The following STK24 variants were observed in gnomAD, a reference collection of about 807,000 sequenced individuals.
The protein encoded by STK24 is serine/threonine kinase 24.
A neutral mutation model predicts 55.6 loss-of-function variants in STK24; 21 were observed. That is an observed-to-expected ratio of 0.38 (90% CI 0.27 to 0.54). STK24 has a LOEUF of 0.54. Ranked by LOEUF, STK24 falls within the 20% of genes least tolerant of loss-of-function variation. The pLI, the probability that STK24 is intolerant of heterozygous loss-of-function variation, is 0.79. For missense variants in STK24, 383 were observed against 538.4 expected, an observed-to-expected ratio of 0.71 and a Z score of 2.86; for synonymous variants, 200 against 215.2, an observed-to-expected ratio of 0.93 and a Z score of 0.62.
chr13:98,528,098 G>C (rs1411541387), intron 1 of STK24, among the ~76,000 whole-genome samples: 1 of 152,158 alleles, frequency 6.6e-6, no homozygotes, highest in Non-Finnish European at 1.5e-5. Context: ...TGGGCCACCG[G>C]ACTCTCATTC....
chr13:98,494,563 T>A (rs1385632948), intron 2 of STK24, among the ~76,000 whole-genome samples: 5 of 152,190 alleles, frequency 3.3e-5, no homozygotes, highest in African/African-American at 1.2e-4. Flanking sequence ...AACCCCAAGC[T>A]AAACAGCTTC....
intron 10 of STK24, chr13:98,456,460 C>CA (rs748783687): frequency 2.0e-6 from 1 of 503,428 alleles, no homozygotes; most frequent in South Asian, 1.5e-5. Flanking sequence ...AAATCACCCT[C>CA]AGGTCACACA....
intron 5 of STK24, among the ~76,000 whole-genome samples, chr13:98,474,608 G>C (rs759485271): frequency 3.9e-5 from 6 of 152,066 alleles, no homozygotes; most frequent in Non-Finnish European, 7.4e-5. Context: ...TAAAAACCTC[G>C]ATCATGGTGG....
chr13:98,512,932 C>G (rs1895935617), intron 2 of STK24, among the ~76,000 whole-genome samples: 1 of 152,194 alleles, frequency 6.6e-6, no homozygotes, highest in African/African-American at 2.4e-5. Flanking sequence ...TAAGGAACAC[C>G]AGACTTACCG....
At chr13:98,545,172 G>A (rs1464958154) in intron 1 of STK24, among the ~76,000 whole-genome samples, 4 of 152,144 alleles carry the variant, frequency 2.6e-5, no homozygotes, top group East Asian at 1.9e-4. Context: ...AGGGACAGGC[G>A]TACTCCTGCA....
chr13:98,486,126 G>A (rs773574755), intron 2 of STK24, among the ~76,000 whole-genome samples: 4 of 151,762 alleles, frequency 2.6e-5, no homozygotes, highest in Non-Finnish European at 4.4e-5. Flanking sequence ...TGATGGGTGC[G>A]GCAAACCACC....
intron 1 of STK24, among the ~76,000 whole-genome samples, chr13:98,546,088 T>C (rs1897022647): frequency 6.6e-6 from 1 of 152,222 alleles, no homozygotes; most frequent in Non-Finnish European, 1.5e-5. Flanking sequence ...TAACTTCTGA[T>C]ACATGAAATT....
rs767086119 is a variant in STK24, at chr13:98,448,255, A to G, written c.*4918T>C. ...TTGCAGGTGGATGGAAGTGATCCGC[A>G]GTGCCACCAGCTCTGCCTCGCGACC... On this transcript the variant is annotated 3_prime_UTR_variant, in exon 11 of 11. Coordinates refer to ENST00000539966, the MANE Select transcript of STK24 (RefSeq NM_001032296.4). 91 of 1,613,948 alleles carry G rather than the reference A, an allele frequency of 5.6e-5. No individual in the cohort carries two copies. The Admixed American group carries it at 1.5e-3, about 27-fold the overall frequency.
At chr13:98,569,877 A>AT (rs755042140) in intron 1 of STK24, among the ~76,000 whole-genome samples, 353 of 138,044 alleles carry the variant, frequency 2.6e-3, no homozygotes, top group East Asian at 3.9e-3. Context: ...ACAGGCAGAA[A>AT]TTTTTTTTTT....
intron 1 of STK24, among the ~76,000 whole-genome samples, chr13:98,568,289 G>A (rs1320822113): frequency 1.3e-5 from 2 of 151,992 alleles, no homozygotes; most frequent in South Asian, 2.1e-4. Context: ...GAGCCATCGC[G>A]CCGGGCCAGC....
At chr13:98,567,847 C>T (rs2139461295) in intron 1 of STK24, among the ~76,000 whole-genome samples, 1 of 143,154 alleles carries the variant, frequency 7.0e-6, no homozygotes, top group Admixed American at 7.2e-5. Flanking sequence ...CCACTAAAAT[C>T]ATAAATCTAA....
At chr13:98,508,148 A>G (rs1314393488) in intron 2 of STK24, among the ~76,000 whole-genome samples, 1 of 151,906 alleles carries the variant, frequency 6.6e-6, no homozygotes, top group Non-Finnish European at 1.5e-5. Flanking sequence ...ATGAAAGGCT[A>G]ATTATAAAGC....
At chr13:98,561,342 G>A (rs1259689135) in intron 1 of STK24, among the ~76,000 whole-genome samples, 2 of 152,116 alleles carry the variant, frequency 1.3e-5, no homozygotes, top group African/African-American at 2.4e-5. Context: ...CAACACTTTG[G>A]GAGGCTGAGG....
chr13:98,513,581 CTCTGT>C (rs1471925830), intron 2 of STK24, among the ~76,000 whole-genome samples: 2 of 152,064 alleles, frequency 1.3e-5, no homozygotes. Flanking sequence ...CGGTTCTCTT[CTCTGT>C]TAAGATCACA....
intron 2 of STK24, among the ~76,000 whole-genome samples, chr13:98,486,828 C>G (rs940820582): frequency 3.3e-5 from 5 of 152,158 alleles, no homozygotes; most frequent in African/African-American, 1.2e-4. Context: ...AGCAGGAAGA[C>G]CAGCTCTTAC....
intron 1 of STK24, among the ~76,000 whole-genome samples, chr13:98,539,805 T>A (rs1157495862): frequency 2.0e-5 from 3 of 152,102 alleles, no homozygotes; most frequent in Non-Finnish European, 4.4e-5. Context: ...AAAACTACCA[T>A]ATGTGGAAAC....
intron 2 of STK24, among the ~76,000 whole-genome samples, chr13:98,510,805 G>T (rs570864772): frequency 6.6e-6 from 1 of 152,300 alleles, no homozygotes; most frequent in East Asian, 1.9e-4. Context: ...GGGATGAAAT[G>T]TTCTAAAATT....
intron 1 of STK24, among the ~76,000 whole-genome samples, chr13:98,565,619 G>A (rs1218083525): frequency 1.4e-5 from 2 of 138,276 alleles, no homozygotes; most frequent in African/African-American, 2.6e-5. Flanking sequence ...GCACGAGAAT[G>A]AGACTCCATC....
chr13:98,500,346 T>A (rs929536196), intron 2 of STK24, among the ~76,000 whole-genome samples: 1 of 152,186 alleles, frequency 6.6e-6, no homozygotes, highest in Non-Finnish European at 1.5e-5. Context: ...CCCAAGTGTG[T>A]TGGCTGGAGA....
Sources: gnomAD v4.1 joint callset for allele counts (sites outside exome capture counted in the v4.1 genomes callset) on GRCh38, gnomAD v4.1.1 for gene constraint, MANE v1.5 for transcripts, NCBI Gene and HGNC (gene_info 2026-07-23, HGNC 2026-07-21) for gene names.